CAMKMT: variants seen among roughly 807,000 people sequenced by gnomAD.
The protein encoded by CAMKMT is CaM KMT.
A neutral mutation model predicts 48.0 loss-of-function variants in CAMKMT; 53 were observed. The observed-to-expected ratio is 1.10, with a 90% CI of 0.89 to 1.39. CAMKMT has a LOEUF of 1.39. Ranked by LOEUF, CAMKMT falls within the 40% of genes most tolerant of loss-of-function variation. The pLI is 0.00. For missense variants in CAMKMT, 428 were observed against 402.7 expected (o/e 1.06, Z -0.54); for synonymous variants, 165 against 152.3 (o/e 1.08, Z -0.61).
chr2:44,593,759 C>T (rs1670463702), intron 3 of CAMKMT, among the ~76,000 whole-genome samples: 1 of 111,958 alleles, frequency 8.9e-6, no homozygotes, highest in Non-Finnish European at 1.9e-5. Flanking sequence ...AAAAAGACAA[C>T]TTCCTTTTTT....
chr2:44,484,107 A>G (rs989589937), intron 3 of CAMKMT, among the ~76,000 whole-genome samples: 3 of 152,058 alleles, frequency 2.0e-5, no homozygotes, highest in Admixed American at 1.3e-4. Flanking sequence ...GGAGAAATGT[A>G]CTCCAAAATG....
intron 9 of CAMKMT, among the ~76,000 whole-genome samples, chr2:44,756,743 A>C (rs1680399413): frequency 6.8e-6 from 1 of 146,792 alleles, no homozygotes; most frequent in African/African-American, 2.5e-5. Context: ...CTCTGTCTCA[A>C]AAAAAAAAAA....
At chr2:44,668,693 C>G (rs1675150483) in intron 3 of CAMKMT, among the ~76,000 whole-genome samples, 1 of 152,164 alleles carries the variant, frequency 6.6e-6, no homozygotes, top group South Asian at 2.1e-4. Flanking sequence ...ACACTTTGTG[C>G]ATCCTTTCCC....
chr2:44,505,657 T>C (rs1430215073), intron 3 of CAMKMT, among the ~76,000 whole-genome samples: 2 of 152,114 alleles, frequency 1.3e-5, no homozygotes, highest in East Asian at 3.9e-4. Context: ...CATCTTACCA[T>C]TGAATAGGCT....
chr2:44,494,117 T>C (rs931055207), intron 3 of CAMKMT, among the ~76,000 whole-genome samples: 1 of 152,248 alleles, frequency 6.6e-6, no homozygotes, highest in African/African-American at 2.4e-5. Flanking sequence ...GGAAATACCA[T>C]TCATTTTATA....
At chr2:44,396,222 G>A (rs1004917250) in intron 3 of CAMKMT, among the ~76,000 whole-genome samples, 8 of 151,990 alleles carry the variant, frequency 5.3e-5, no homozygotes, top group African/African-American at 1.2e-4. Flanking sequence ...TTCTAAGTGC[G>A]AGTCAAACAC....
At chr2:44,587,571 CCCTGCCTGATTCT>C (rs1234829511) in intron 3 of CAMKMT, among the ~76,000 whole-genome samples, 2 of 142,052 alleles carry the variant, frequency 1.4e-5, no homozygotes, top group Non-Finnish European at 3.1e-5. Flanking sequence ...ACTGCAACCT[CCCTGCCTGATTCT>C]CCTGCCTCAG....
At chr2:44,370,754 G>A (rs1430071082) in intron 1 of CAMKMT, among the ~76,000 whole-genome samples, 1 of 152,086 alleles carries the variant, frequency 6.6e-6, no homozygotes. Flanking sequence ...GGATTTAGCT[G>A]CATGTCATAT....
intron 3 of CAMKMT, among the ~76,000 whole-genome samples, chr2:44,597,911 G>A (rs1315914442): frequency 2.0e-5 from 3 of 151,870 alleles, no homozygotes; most frequent in Non-Finnish European, 4.4e-5. Flanking sequence ...TAATTTTTGT[G>A]TTTTTAGTAG....
At chr2:44,769,923 A>G (rs775856252) in intron 10 of CAMKMT, among the ~76,000 whole-genome samples, 7 of 152,220 alleles carry the variant, frequency 4.6e-5, no homozygotes, top group Admixed American at 6.5e-5. Context: ...CGCCGTAGTA[A>G]GGCTGAGCGT....
At chr2:44,390,412 C>A in intron 3 of CAMKMT, 107 bp downstream of exon 3, 1 of 713,608 alleles carries the variant, frequency 1.4e-6, no homozygotes, top group African/African-American at 1.8e-5. Flanking sequence ...TAAATGTATG[C>A]ATATATGTAT....
intron 3 of CAMKMT, among the ~76,000 whole-genome samples, chr2:44,664,175 A>G (rs1017548746): frequency 1.3e-5 from 2 of 152,256 alleles, no homozygotes; most frequent in African/African-American, 2.4e-5. Flanking sequence ...TTCTGAAATT[A>G]GACATAAGTT....
intron 7 of CAMKMT, among the ~76,000 whole-genome samples, chr2:44,716,638 C>T (rs1418291862): frequency 6.6e-6 from 1 of 152,160 alleles, no homozygotes; most frequent in Non-Finnish European, 1.5e-5. Context: ...AAAGGGTCTG[C>T]CGTTACCTGT....
intron 2 of CAMKMT, among the ~76,000 whole-genome samples, chr2:44,378,118 A>G (rs555271653): frequency 6.8e-4 from 104 of 152,362 alleles, no homozygotes; most frequent in Non-Finnish European, 1.1e-3. Flanking sequence ...GCAATAAAAC[A>G]ACGTTTTTTA....
At chr2:44,491,136 G>A (rs1026343838) in intron 3 of CAMKMT, among the ~76,000 whole-genome samples, 3 of 135,412 alleles carry the variant, frequency 2.2e-5, no homozygotes, top group Non-Finnish European at 4.7e-5. Context: ...GAGCAGTAGA[G>A]CCAGACCTTG....
intron 3 of CAMKMT, among the ~76,000 whole-genome samples, chr2:44,493,167 T>C (rs1330060019): frequency 2.0e-5 from 3 of 152,084 alleles, no homozygotes; most frequent in Admixed American, 2.0e-4. Context: ...AGTGCTGGGA[T>C]TACAGGCATG....
intron 3 of CAMKMT, among the ~76,000 whole-genome samples, chr2:44,543,696 G>A (rs1667251161): frequency 1.3e-5 from 2 of 152,126 alleles, no homozygotes; most frequent in Non-Finnish European, 1.5e-5. Context: ...TTTCAGGAAA[G>A]CTAGGTGGTT....
At chr2:44,526,116 A>C (rs934444838) in intron 3 of CAMKMT, among the ~76,000 whole-genome samples, 1 of 152,114 alleles carries the variant, frequency 6.6e-6, no homozygotes, top group Admixed American at 6.5e-5. Flanking sequence ...GGAAATCATC[A>C]TTCTCAGGAA....
intron 3 of CAMKMT, among the ~76,000 whole-genome samples, chr2:44,638,585 C>G (rs1673276771): frequency 6.6e-6 from 1 of 152,162 alleles, no homozygotes; most frequent in Admixed American, 6.5e-5. Context: ...GGGGCCAAGG[C>G]TTCTCAAGGG....
Sources: gnomAD v4.1 joint callset for allele counts (sites outside exome capture counted in the v4.1 genomes callset) on GRCh38, gnomAD v4.1.1 for gene constraint, MANE v1.5 for transcripts, NCBI Gene and HGNC (gene_info 2026-07-23, HGNC 2026-07-21) for gene names.